MACROD2: variants seen among roughly 807,000 people sequenced by gnomAD.
MACROD2 encodes ADP-ribose glycohydrolase MACROD2.
A neutral mutation model predicts 70.4 loss-of-function variants in MACROD2; 36 were observed. That is an observed-to-expected ratio of 0.51 (90% CI 0.39 to 0.68). The LOEUF is 0.68. Ranked by LOEUF, MACROD2 falls within the 30% of genes least tolerant of loss-of-function variation. The probability of loss-of-function intolerance (pLI) is 0.00; values close to 1 mark genes in which losing one functional copy is unlikely to be tolerated. For missense variants in MACROD2, 496 were observed against 538.4 expected (o/e 0.92, Z 0.78); for synonymous variants, 172 against 178.8 (o/e 0.96, Z 0.30).
chr20:15,438,425 T>G (rs556971678), intron 7 of MACROD2, among the ~76,000 whole-genome samples: 1 of 152,344 alleles, frequency 6.6e-6, no homozygotes, highest in East Asian at 1.9e-4. Flanking sequence ...ATTTGTCTAA[T>G]GATAAGTGCA....
chr20:14,885,197 A>C (rs1230250095), intron 5 of MACROD2, among the ~76,000 whole-genome samples: 2 of 152,166 alleles, frequency 1.3e-5, no homozygotes, highest in African/African-American at 4.8e-5. Flanking sequence ...GATACTACTA[A>C]TATCTGATAC....
At chr20:14,066,549 T>G (rs2053759895) in intron 2 of MACROD2, among the ~76,000 whole-genome samples, 1 of 152,194 alleles carries the variant, frequency 6.6e-6, no homozygotes. Context: ...AATTTCAAAA[T>G]TTTACCCAAG....
intron 5 of MACROD2, among the ~76,000 whole-genome samples, chr20:14,830,094 A>G (rs762664695): frequency 2.2e-4 from 33 of 152,132 alleles, no homozygotes; most frequent in Non-Finnish European, 4.3e-4. Context: ...AAATATTACT[A>G]CTTAAGATGC....
rs534912096 is a variant in MACROD2 at position 15,722,412 on chromosome 20, T to A, written c.646-140333T>A. 2.6e-5 allele frequency among the ~76,000 whole-genome samples: 4 copies of A among 152,272 alleles called. No homozygotes were observed. In the East Asian group the frequency reaches 7.7e-4, roughly 29 times the overall value. ...CAGATTTTTAAAAATATTTTGAGAATCTAAGGTATGTATAATTTTATTAGA... is the reference window on the plus strand; with the variant it reads ...CAGATTTTTAAAAATATTTTGAGAAACTAAGGTATGTATAATTTTATTAGA... On this transcript the variant is annotated intron_variant, in intron 8 of 17. Coordinates refer to ENST00000684519, the MANE Select transcript of MACROD2 (RefSeq NM_001351661.2).
At chr20:14,745,324 T>C (rs2071785823) in intron 5 of MACROD2, among the ~76,000 whole-genome samples, 1 of 152,212 alleles carries the variant, frequency 6.6e-6, no homozygotes, top group Admixed American at 6.5e-5. Context: ...TTGCTAAATG[T>C]CTATATTTGT....
chr20:15,414,161 T>C (rs2046115935), intron 6 of MACROD2, among the ~76,000 whole-genome samples: 1 of 152,070 alleles, frequency 6.6e-6, no homozygotes, highest in African/African-American at 2.4e-5. Flanking sequence ...ATTTGCAGCA[T>C]AGGACACTTT....
intron 5 of MACROD2, among the ~76,000 whole-genome samples, chr20:14,979,479 GAAAT>G (rs2074777420): frequency 6.6e-6 from 1 of 152,082 alleles, no homozygotes; most frequent in African/African-American, 2.4e-5. Context: ...AAGAGAGAAA[GAAAT>G]ATTCTCTCAA....
intron 6 of MACROD2, among the ~76,000 whole-genome samples, chr20:15,281,168 C>T (rs1278032555): frequency 3.3e-5 from 5 of 152,130 alleles, no homozygotes; most frequent in Non-Finnish European, 7.4e-5. Context: ...TCCACTTGGT[C>T]CCCCACTTGA....
intron 5 of MACROD2, among the ~76,000 whole-genome samples, chr20:14,878,809 C>G (rs188346945): frequency 3.3e-5 from 5 of 152,190 alleles, no homozygotes; most frequent in Non-Finnish European, 5.9e-5. Flanking sequence ...CTTCCAGGCT[C>G]AAATTACACT....
intron 6 of MACROD2, among the ~76,000 whole-genome samples, chr20:15,336,205 G>T (rs1003091546): frequency 2.0e-5 from 3 of 151,502 alleles, no homozygotes; most frequent in South Asian, 4.1e-4. Context: ...TTCCTGTTTT[G>T]CAAGTCATTG....
intron 12 of MACROD2, among the ~76,000 whole-genome samples, chr20:15,947,239 C>T (rs572147694): frequency 6.6e-6 from 1 of 152,068 alleles, no homozygotes; most frequent in Non-Finnish European, 1.5e-5. Context: ...CAGCACAGAC[C>T]CTTCACAGGT....
intron 8 of MACROD2, among the ~76,000 whole-genome samples, chr20:15,774,063 CTG>C (rs2051680647): frequency 1.3e-5 from 2 of 152,096 alleles, no homozygotes; most frequent in Non-Finnish European, 2.9e-5. Flanking sequence ...TTCTCTCTTC[CTG>C]TGTTTCTTTA....
At chr20:14,105,457 G>C (rs2054356486) in intron 3 of MACROD2, among the ~76,000 whole-genome samples, 1 of 152,200 alleles carries the variant, frequency 6.6e-6, no homozygotes, top group South Asian at 2.1e-4. Context: ...ATTTGGACCA[G>C]ACCTAGCCAG....
rs142132054 is a variant in MACROD2, at chr20:15,259,301, C to G, written c.540+29240C>G. On this transcript the variant is annotated intron_variant, in intron 6 of 17. Coordinates refer to ENST00000684519, the MANE Select transcript of MACROD2 (RefSeq NM_001351661.2). The stretch of plus-strand genomic sequence containing the variant: ...GCAGAAAGTTAAGGAGAGAAGACAC[C>G]TGAGATAGGCCTTCTACAAATGAGA... Among the ~76,000 whole-genome samples, 885 of 152,016 alleles carry G rather than the reference C, an allele frequency of 5.8e-3. 10 individuals are homozygous for G. Among genetic ancestry groups the G allele is most frequent in the African/African-American group, 0.02 (849 of 41,484 alleles).
At chr20:15,380,475 A>G (rs1314486823) in intron 6 of MACROD2, among the ~76,000 whole-genome samples, 1 of 152,032 alleles carries the variant, frequency 6.6e-6, no homozygotes, top group Non-Finnish European at 1.5e-5. Flanking sequence ...AACAAATTGA[A>G]TGATATAAAC....
intron 15 of MACROD2, among the ~76,000 whole-genome samples, chr20:16,032,645 G>T (rs1260809536): frequency 6.7e-6 from 1 of 149,344 alleles, no homozygotes; most frequent in African/African-American, 2.5e-5. Flanking sequence ...AAAGAGGGAG[G>T]GAAGAAAGAA....
intron 5 of MACROD2, among the ~76,000 whole-genome samples, chr20:14,917,249 G>C (rs1224818106): frequency 2.0e-5 from 3 of 150,398 alleles, no homozygotes; most frequent in Non-Finnish European, 4.4e-5. Context: ...GTTAGCTTTT[G>C]TGTGACATCG....
intron 2 of MACROD2, among the ~76,000 whole-genome samples, chr20:14,007,338 A>T (rs575947061): frequency 6.6e-6 from 1 of 152,084 alleles, no homozygotes; most frequent in African/African-American, 2.4e-5. Flanking sequence ...TCCTTTTTTT[A>T]AAATTTTTGA....
chr20:14,229,017 A>G (rs1569216592), intron 3 of MACROD2, among the ~76,000 whole-genome samples: 1 of 152,062 alleles, frequency 6.6e-6, no homozygotes, highest in African/African-American at 2.4e-5. Context: ...AAAAGAAAAA[A>G]GACATTAAAT....
Sources: gnomAD v4.1 joint callset for allele counts (sites outside exome capture counted in the v4.1 genomes callset) on GRCh38, gnomAD v4.1.1 for gene constraint, MANE v1.5 for transcripts, NCBI Gene and HGNC (gene_info 2026-07-23, HGNC 2026-07-21) for gene names.